SS18: variants seen among roughly 807,000 people sequenced by gnomAD.
SS18 encodes the protein SS18 subunit of BAF chromatin remodeling complex, also known as protein SSXT.
In SS18, 28 loss-of-function variants were observed where a neutral mutation model predicts 72.5. The observed-to-expected ratio is 0.39, with a 90% CI of 0.29 to 0.53. The LOEUF is 0.53. SS18 is among the 20% of genes least tolerant of loss of function. The pLI is 0.76. For synonymous variants in SS18, 172 were observed against 164.2 expected, an observed-to-expected ratio of 1.05 and a Z score of -0.37; for missense variants, 518 against 535.3, an observed-to-expected ratio of 0.97 and a Z score of 0.32.
chr18:26,058,898 A>G (rs2054071680), intron 3 of SS18, among the ~76,000 whole-genome samples: 1 of 152,208 alleles, frequency 6.6e-6, no homozygotes, highest in African/African-American at 2.4e-5. Flanking sequence ...AACAAACAAA[A>G]AAACAAACAA....
At chr18:26,045,166 A>G (rs1393205000) in intron 5 of SS18, among the ~76,000 whole-genome samples, 3 of 152,198 alleles carry the variant, frequency 2.0e-5, no homozygotes, top group South Asian at 4.1e-4. Flanking sequence ...CCCTTGCCCA[A>G]TTACAGCCCA....
upstream of SS18, chr18:26,090,681 G>A (rs1450499695): frequency 2.6e-6 from 3 of 1,150,318 alleles, no homozygotes; most frequent in East Asian, 5.2e-5. Context: ...GGGGAGGGGG[G>A]ATGCTCCGGG....
intron 2 of SS18, among the ~76,000 whole-genome samples, chr18:26,085,687 T>A (rs1216928889): frequency 1.3e-5 from 2 of 152,228 alleles, no homozygotes; most frequent in Non-Finnish European, 2.9e-5. Flanking sequence ...GGGAAGGAGA[T>A]AAGACAGTGG....
rs1233235496 is a variant in SS18 at position 26,016,862 on chromosome 18, A to G, written c.*1492T>C. 1 of 230,986 alleles carries G rather than the reference A, an allele frequency of 4.3e-6. No individual in the cohort carries two copies. Among genetic ancestry groups the G allele is most frequent in the Non-Finnish European group, 8.6e-6 (1 of 116,466 alleles). The allele number at this position is 230,986 out of a possible 1,614,324, so 14.3% of individuals were successfully genotyped here. ...CTTTTGATTACAGTATGTTGAGAAC[A>G]GTATGTTCTGCTTATTCAAATTTAT... On this transcript the variant is annotated 3_prime_UTR_variant, in exon 11 of 11. Coordinates refer to ENST00000415083, the MANE Select transcript of SS18 (RefSeq NM_001007559.3).
intron 1 of SS18, among the ~76,000 whole-genome samples, chr18:26,088,570 T>C (rs1195288831): frequency 6.6e-6 from 1 of 152,214 alleles, no homozygotes; most frequent in Non-Finnish European, 1.5e-5. Flanking sequence ...CAAGCAATCT[T>C]GGCTTTGAGG....
At chr18:26,082,141 T>G (rs181801025) in intron 2 of SS18, among the ~76,000 whole-genome samples, 199 of 152,194 alleles carry the variant, frequency 1.3e-3, no homozygotes, top group South Asian at 4.4e-3. Context: ...ATAAAATATA[T>G]TTAGTATTTT....
intron 3 of SS18, among the ~76,000 whole-genome samples, chr18:26,063,228 GA>G (rs1483614184): frequency 6.7e-6 from 1 of 149,218 alleles, no homozygotes; most frequent in Non-Finnish European, 1.5e-5. Context: ...AATTAAATTA[GA>G]AATCAGTAGG....
intron 7 of SS18, among the ~76,000 whole-genome samples, chr18:26,037,210 A>T (rs899105067): frequency 1.1e-4 from 17 of 152,248 alleles, no homozygotes; most frequent in Admixed American, 1.1e-3. Flanking sequence ...AAGTAACCTT[A>T]ATGTTTTGAT....
intron 1 of SS18, among the ~76,000 whole-genome samples, chr18:26,089,265 A>C (rs982032730): frequency 1.3e-5 from 2 of 152,230 alleles, no homozygotes; most frequent in Non-Finnish European, 2.9e-5. Flanking sequence ...AAAAATAAAA[A>C]AGGTGAGCCC....
intron 4 of SS18, among the ~76,000 whole-genome samples, chr18:26,057,341 C>A (rs1169078337): frequency 2.6e-5 from 4 of 152,198 alleles, no homozygotes; most frequent in Non-Finnish European, 4.4e-5. Flanking sequence ...CAGTTTCAGA[C>A]AGACTAAATT....
chr18:26,055,827 G>A (rs946847405), intron 4 of SS18, among the ~76,000 whole-genome samples: 2 of 147,616 alleles, frequency 1.4e-5, no homozygotes, highest in African/African-American at 2.5e-5. Flanking sequence ...GCGTGATTTC[G>A]GCTCACTGCA....
chr18:26,039,955 C>T (rs1380753321), intron 5 of SS18, among the ~76,000 whole-genome samples: 1 of 152,140 alleles, frequency 6.6e-6, no homozygotes, highest in East Asian at 1.9e-4. Context: ...TAATGGTAGA[C>T]AGGAAAACTA....
At position 26,035,995 on chromosome 18, in the gene SS18, C is replaced by A; in HGVS notation, c.881-72G>T. 2.2e-6 allele frequency: 2 copies of A among 922,626 alleles called. No homozygotes were observed. The highest frequency in any genetic ancestry group is 1.6e-6 in the Non-Finnish European group (1 of 609,974). The allele number at this position is 922,626 out of a possible 1,614,324, so 57.2% of individuals were successfully genotyped here. ...AGTGAAAACCCTAAAAATATTTAAA[C>A]TTTCAGATAAAATTGAAAAAAAAGA... On this transcript the variant is annotated intron_variant, in intron 7 of 10. Transcript: ENST00000415083. This position sits in a 1 kb window ranked among gnomAD's most constrained non-coding sequence, Gnocchi z 4.4.
chr18:26,020,475 G>C (rs1364410614), intron 10 of SS18, among the ~76,000 whole-genome samples: 1 of 152,170 alleles, frequency 6.6e-6, no homozygotes, highest in East Asian at 1.9e-4. Flanking sequence ...GAAAGCAGAA[G>C]AGAGGTTAAG....
rs1441756604 is a variant in SS18 at position 26,027,387 on chromosome 18, G to A, written c.1230+5012C>T. On this transcript the variant is annotated intron_variant, in intron 10 of 10. Transcript: ENST00000415083. Reference sequence around the variant, plus strand: ...TTTTTGGCTGGGCACGGTGGCTCACGCCTGTAATCCCAGCACTCTAGGAGG... The same window carrying A: ...TTTTTGGCTGGGCACGGTGGCTCACACCTGTAATCCCAGCACTCTAGGAGG... 5.3e-5 allele frequency among the ~76,000 whole-genome samples: 8 copies of A among 151,972 alleles called. No individual in the cohort carries two copies. The East Asian group carries it at 1.2e-3, about 22-fold the overall frequency.
chr18:26,054,432 T>C (rs1272361982), intron 4 of SS18, among the ~76,000 whole-genome samples: 2 of 152,142 alleles, frequency 1.3e-5, no homozygotes, highest in Admixed American at 1.3e-4. Context: ...ACAGAACACA[T>C]ATATATGTGT....
At chr18:26,052,000 A>C (rs2053932349) in intron 5 of SS18, among the ~76,000 whole-genome samples, 2 of 152,360 alleles carry the variant, frequency 1.3e-5, no homozygotes, top group South Asian at 4.1e-4. Context: ...AAATAGCATT[A>C]ACCTGGAAAT....
chr18:26,032,142 G>GGA lies in SS18; in HGVS notation c.1230+255_1230+256dup, dbSNP rs898507579. 2.0e-5 allele frequency among the ~76,000 whole-genome samples: 3 copies of GGA among 151,982 alleles called. 1 individual carries two copies. Among genetic ancestry groups the GGA allele is most frequent in the African/African-American group, 7.2e-5 (3 of 41,436 alleles). ...GGGTAAAGACCACAGAGCAAGAGGG[G>GGA]GAGAGAGAGAGACAGAATATATATG... On this transcript the variant is annotated intron_variant, in intron 10 of 10. Coordinates refer to ENST00000415083, the MANE Select transcript of SS18 (RefSeq NM_001007559.3).
chr18:26,069,362 AT>A, intron 3 of SS18, among the ~76,000 whole-genome samples: 1 of 151,978 alleles, frequency 6.6e-6, no homozygotes, highest in Non-Finnish European at 1.5e-5. Context: ...TTTTCAGAAT[AT>A]TTTTCTGAAA....
Sources: allele counts gnomAD v4.1 joint callset (sites outside exome capture counted in the v4.1 genomes callset), GRCh38; gene constraint gnomAD v4.1.1; non-coding constraint Gnocchi (gnomAD v3.1); transcripts MANE v1.5; gene names NCBI Gene and HGNC (gene_info 2026-07-23, HGNC 2026-07-21).